The following MYH10 variants were observed in gnomAD, a reference collection of about 807,000 sequenced individuals.
The protein encoded by MYH10 is myosin heavy chain 10.
In MYH10, 55 loss-of-function variants were observed where a neutral mutation model predicts 257.8. That is an observed-to-expected ratio of 0.21 (90% CI 0.17 to 0.27). MYH10 has a LOEUF of 0.27. Ranked by LOEUF, MYH10 falls within the 10% of genes least tolerant of loss-of-function variation. MYH10 has a pLI of 1.00. For missense variants in MYH10, 1,631 were observed against 2,500.6 expected (o/e 0.65, Z 7.42); for synonymous variants, 854 against 921.7 (o/e 0.93, Z 1.33).
chr17:8,541,341 G>A (rs1342621592), intron 14 of MYH10, among the ~76,000 whole-genome samples: 1 of 152,172 alleles, frequency 6.6e-6, no homozygotes, highest in Non-Finnish European at 1.5e-5. Flanking sequence ...CTTCCTCTAC[G>A]TTACAGATAT....
chr17:8,599,224 A>C (rs111255062), intron 3 of MYH10, among the ~76,000 whole-genome samples: 1,581 of 152,202 alleles, frequency 0.01, 39 homozygotes, highest in African/African-American at 0.036. Flanking sequence ...TGAGATTTTT[A>C]TTGGTGGCCT....
chr17:8,521,695 T>C (rs2081660995), intron 17 of MYH10, among the ~76,000 whole-genome samples: 2 of 152,212 alleles, frequency 1.3e-5, no homozygotes, highest in Non-Finnish European at 2.9e-5. Context: ...TATATAAGAA[T>C]ATCTGATTGT....
intron 16 of MYH10, among the ~76,000 whole-genome samples, chr17:8,531,190 A>T (rs570652699): frequency 1.5e-4 from 23 of 152,354 alleles, no homozygotes; most frequent in Non-Finnish European, 2.8e-4. Flanking sequence ...ACAAATTACC[A>T]TATGACAGAT....
chr17:8,493,586 G>A, intron 32 of MYH10, 147 bp downstream of exon 32: 1 of 873,472 alleles, frequency 1.1e-6, no homozygotes, highest in South Asian at 2.1e-5. Context: ...GCATGTGGCT[G>A]GGTCAAGAAA....
intron 24 of MYH10, 54 bp downstream of exon 24, chr17:8,512,397 C>T (rs2081329500): frequency 1.4e-5 from 20 of 1,408,500 alleles, no homozygotes; most frequent in Non-Finnish European, 1.9e-5. Flanking sequence ...GTTTATTCAA[C>T]AGATCCACTT....
In MYH10 at chr17:8,564,328, A is replaced by G. The variant is rs1353328749; in HGVS notation, c.756+5392T>C. On this transcript the variant is annotated intron_variant, in intron 7 of 42. Coordinates refer to ENST00000360416, the MANE Select transcript of MYH10 (RefSeq NM_001256012.3). ...TCAAATATTTTCACTGTAAGCATGT[A>G]GCTTATAAATATGACTGCATGAAAT... Among the ~76,000 whole-genome samples the G allele has an allele frequency of 4.6e-5, 7 of 152,234 alleles. No homozygotes were observed. The East Asian group carries it at 1.3e-3, about 29-fold the overall frequency.
chr17:8,500,598 A>G (rs1917373686), intron 29 of MYH10, among the ~76,000 whole-genome samples: 1 of 152,028 alleles, frequency 6.6e-6, no homozygotes, highest in Non-Finnish European at 1.5e-5. Flanking sequence ...GTGGTTTGAG[A>G]TGGTGGCTGG....
At chr17:8,596,834 A>AG (rs1215207052) in intron 3 of MYH10, among the ~76,000 whole-genome samples, 1 of 152,190 alleles carries the variant, frequency 6.6e-6, no homozygotes, top group Admixed American at 6.5e-5. Flanking sequence ...AGTGTTTCTC[A>AG]GGAAGCTACC....
intron 4 of MYH10, among the ~76,000 whole-genome samples, chr17:8,581,299 T>C (rs972519560): frequency 1.8e-4 from 28 of 152,182 alleles, no homozygotes; most frequent in African/African-American, 6.8e-4. Context: ...TCCATATTAA[T>C]CGTGATGTTG....
At chr17:8,528,047 T>G (rs917775200) in intron 17 of MYH10, among the ~76,000 whole-genome samples, 2 of 152,208 alleles carry the variant, frequency 1.3e-5, no homozygotes, top group African/African-American at 4.8e-5. Flanking sequence ...GTCATGATAC[T>G]TGACTCTACC....
intron 7 of MYH10, among the ~76,000 whole-genome samples, chr17:8,564,959 G>A (rs1317137747): frequency 1.3e-5 from 2 of 152,178 alleles, no homozygotes; most frequent in African/African-American, 4.8e-5. Context: ...ACACCTTCTA[G>A]ATGTTTAACC....
At chr17:8,570,142 G>A (rs542358999) in intron 6 of MYH10, among the ~76,000 whole-genome samples, 177 of 152,324 alleles carry the variant, frequency 1.2e-3, no homozygotes, top group African/African-American at 4.1e-3. Flanking sequence ...ATGAAATTTA[G>A]CACGACACTT....
At chr17:8,558,020 A>G (rs1194951839) in intron 7 of MYH10, among the ~76,000 whole-genome samples, 1 of 152,228 alleles carries the variant, frequency 6.6e-6, no homozygotes, top group South Asian at 2.1e-4. Flanking sequence ...CTGCTTGACT[A>G]TCAGTGGTGA....
chr17:8,609,186 T>C (rs1413483734), intron 2 of MYH10, among the ~76,000 whole-genome samples: 1 of 152,186 alleles, frequency 6.6e-6, no homozygotes, highest in Non-Finnish European at 1.5e-5. Context: ...CATTGTTTCA[T>C]AGGTTCAAAG....
intron 14 of MYH10, among the ~76,000 whole-genome samples, chr17:8,541,578 C>G (rs1198839569): frequency 1.3e-5 from 2 of 151,628 alleles, no homozygotes; most frequent in African/African-American, 2.4e-5. Flanking sequence ...ATTAAACCAC[C>G]AAGAAAAGAG....
At chr17:8,503,732 A>C (rs1597669262) in intron 28 of MYH10, among the ~76,000 whole-genome samples, 1 of 152,144 alleles carries the variant, frequency 6.6e-6, no homozygotes, top group East Asian at 1.9e-4. Flanking sequence ...TTGCATTCAT[A>C]AACAATTCCC....
At chr17:8,617,337 G>C (rs1276986922) in intron 2 of MYH10, among the ~76,000 whole-genome samples, 1 of 152,098 alleles carries the variant, frequency 6.6e-6, no homozygotes, top group Admixed American at 6.5e-5. Flanking sequence ...GTACCTCTCT[G>C]AGTTGAGGCA....
Position 8,578,133 on chromosome 17 carries a change from T to C in MYH10, c.531-795A>G, listed in dbSNP as rs185467554. 1.2e-4 allele frequency among the ~76,000 whole-genome samples: 19 copies of C among 152,300 alleles called. No homozygotes were observed. The East Asian group carries it at 3.3e-3, about 26-fold the overall frequency. On this transcript the variant is annotated intron_variant, in intron 4 of 42. Transcript: ENST00000360416. Reference sequence around the variant, plus strand: ...AGATCCCCCTCTCAGAGCAGGCTAGTGACGATTCACTTCCTGGTGCCAGTG... The same window carrying C: ...AGATCCCCCTCTCAGAGCAGGCTAGCGACGATTCACTTCCTGGTGCCAGTG...
At chr17:8,523,943 T>C (rs1397673753) in intron 17 of MYH10, among the ~76,000 whole-genome samples, 1 of 152,084 alleles carries the variant, frequency 6.6e-6, no homozygotes, top group Non-Finnish European at 1.5e-5. Context: ...ACCCAAACTC[T>C]AAGTAAGTCT....
Sources: allele counts gnomAD v4.1 joint callset (sites outside exome capture counted in the v4.1 genomes callset), GRCh38; gene constraint gnomAD v4.1.1; transcripts MANE v1.5; gene names NCBI Gene and HGNC (gene_info 2026-07-23, HGNC 2026-07-21).